LRRC37A3: variants seen among roughly 807,000 people sequenced by gnomAD.
The protein encoded by LRRC37A3 is leucine-rich repeat-containing protein 37A3.
Under a neutral mutation model 106.2 loss-of-function variants are expected in LRRC37A3, and 25 were observed. That is an observed-to-expected ratio of 0.24 (90% confidence interval 0.17 to 0.33). The LOEUF is 0.33. LRRC37A3 is among the 10% of genes least tolerant of loss of function. LRRC37A3 has a pLI of 1.00. For synonymous variants in LRRC37A3, 305 were observed against 635.8 expected, an observed-to-expected ratio of 0.48 and a Z score of 7.83; for missense variants, 712 against 1,644.9, an observed-to-expected ratio of 0.43 and a Z score of 9.81.
rs990219408 is a variant in LRRC37A3 at position 64,854,465 on chromosome 17, A to G, written c.*134T>C. 138 of 1,271,568 alleles carry G rather than the reference A, an allele frequency of 1.1e-4. No individual in the cohort carries two copies. The highest frequency in any genetic ancestry group is 1.4e-4 in the Non-Finnish European group (122 of 889,614). The allele number at this position is 1,271,568 out of a possible 1,614,324, so 78.8% of individuals were successfully genotyped here. ...ATTAGACTGGGAAACAAGGGCAGGA[A>G]CGATGGCCCTGTGCTTGCTCTGCCC... On this transcript the variant is annotated 3_prime_UTR_variant, in exon 15 of 15. Transcript: ENST00000584306.
At chr17:64,855,535 G>A (rs1459739821) in intron 14 of LRRC37A3, among the ~76,000 whole-genome samples, 4 of 150,364 alleles carry the variant, frequency 2.7e-5, no homozygotes, top group African/African-American at 1.0e-4. Context: ...AATTTCACTG[G>A]AGCCAGGCTA....
chr17:64,913,346 T>C (rs1283452641), intron 2 of LRRC37A3, among the ~76,000 whole-genome samples: 1 of 149,190 alleles, frequency 6.7e-6, no homozygotes, highest in East Asian at 2.0e-4. Context: ...GGTTTTTTTT[T>C]TTTTTTTCTT....
chr17:64,915,666 TTTAAAAC>T (rs1226573166), intron 2 of LRRC37A3, among the ~76,000 whole-genome samples: 1 of 152,228 alleles, frequency 6.6e-6, no homozygotes, highest in African/African-American at 2.4e-5. Flanking sequence ...TTCATCAAAA[TTTAAAAC>T]TTATGCTCTG....
At chr17:64,877,051 T>C (rs1336251519) in intron 8 of LRRC37A3, 1 of 152,228 alleles carries the variant, frequency 6.6e-6, no homozygotes, top group Non-Finnish European at 1.5e-5. Flanking sequence ...TCCAAATTGA[T>C]CTATGGTTTC....
At chr17:64,888,740 AGG>A in intron 6 of LRRC37A3, among the ~76,000 whole-genome samples, 1 of 15,890 alleles carries the variant, frequency 6.3e-5, no homozygotes. Flanking sequence ...CTATGGACAA[AGG>A]GTAAGAATCA....
chr17:64,874,444 C>T lies in LRRC37A3; in HGVS notation c.2907-5278G>A, dbSNP rs1473936646. Among the ~76,000 whole-genome samples the T allele has an allele frequency of 5.3e-5, 8 of 151,484 alleles. No homozygotes were observed. In the East Asian group the frequency reaches 5.9e-4, roughly 11 times the overall value. On this transcript the variant is annotated intron_variant, in intron 8 of 14. Transcript: ENST00000584306. Reference sequence around the variant, plus strand: ...CCGTCTGAGAAGTGAGGAGCCCCTCCGCCCGGCCAGCCGCCCCATCCGGGA... The same window carrying T: ...CCGTCTGAGAAGTGAGGAGCCCCTCTGCCCGGCCAGCCGCCCCATCCGGGA...
intron 2 of LRRC37A3, chr17:64,905,188 G>A (rs1431768086): frequency 6.1e-6 from 1 of 164,238 alleles, no homozygotes; most frequent in East Asian, 1.4e-4. Context: ...TTGTAAGACA[G>A]AAAACCTCTG....
intron 8 of LRRC37A3, chr17:64,871,896 G>C (rs1214260603): frequency 6.6e-6 from 1 of 152,368 alleles, no homozygotes; most frequent in African/African-American, 2.4e-5. Context: ...CACTTTGGGA[G>C]ACCGAGGCAG....
At chr17:64,910,691 C>T (rs1974570463) in intron 2 of LRRC37A3, among the ~76,000 whole-genome samples, 1 of 123,814 alleles carries the variant, frequency 8.1e-6, no homozygotes, top group South Asian at 2.9e-4. Context: ...GTCGACCAGG[C>T]TGGAGTGCAG....
In LRRC37A3 at chr17:64,854,482, G is replaced by T; in HGVS notation, c.*117C>A. The T allele has an allele frequency of 6.8e-7, 1 of 1,465,028 alleles. No homozygotes were observed. Among genetic ancestry groups the T allele is most frequent in the Non-Finnish European group, 9.5e-7 (1 of 1,050,548 alleles). The allele number at this position is 1,465,028 out of a possible 1,614,324, so 90.8% of individuals were successfully genotyped here. A position where few individuals can be genotyped will look rare whatever the true frequency, so the allele number is the denominator to read the frequency against. On this transcript the variant is annotated 3_prime_UTR_variant, in exon 15 of 15. Transcript: ENST00000584306. ...GGGCAGGAACGATGGCCCTGTGCTT[G>T]CTCTGCCCGCTGCCTCTGTGGATGT... is the stretch of plus-strand genomic sequence containing the variant.
chr17:64,899,347 G>C (rs1460091560), intron 2 of LRRC37A3, among the ~76,000 whole-genome samples: 2 of 146,728 alleles, frequency 1.4e-5, no homozygotes, highest in South Asian at 4.2e-4. Context: ...TTGAACCTGG[G>C]AGGTGGAGGT....
At chr17:64,870,771 C>T (rs1425925323) in intron 8 of LRRC37A3, among the ~76,000 whole-genome samples, 1 of 152,030 alleles carries the variant, frequency 6.6e-6, no homozygotes, top group Non-Finnish European at 1.5e-5. Context: ...TTTCGTTCTT[C>T]ATTCTTTTTC....
intron 10 of LRRC37A3, among the ~76,000 whole-genome samples, chr17:64,865,328 G>T (rs1337047382): frequency 6.6e-6 from 1 of 152,102 alleles, no homozygotes; most frequent in East Asian, 1.9e-4. Context: ...ATATTTTGTA[G>T]AAATGGGGTT....
In LRRC37A3 at chr17:64,860,846, C is replaced by G; in HGVS notation, c.3300G>C (p.Leu1100Phe). 1 of 1,614,210 alleles carries G rather than the reference C, an allele frequency of 6.2e-7. No individual in the cohort carries two copies. Among genetic ancestry groups the G allele is most frequent in the East Asian group, 2.2e-5 (1 of 44,882 alleles). ...EEPSDSSGIN[L>F]SGFGSEQLDT... is the part of the protein sequence containing the mutation. ...CTAGCTGCTCACTCCCAAAGCCTGA[C>G]AAGTTGATGCCACTGCTGTCTGAGG... Residue 1100 changes from leucine (L) to phenylalanine (F), a missense_variant, in exon 12 of 15, where the codon TTG becomes TTC. Leu to Phe is a conservative substitution (Grantham distance 22). Coordinates refer to ENST00000584306, the MANE Select transcript of LRRC37A3 (RefSeq NM_199340.5).
intron 8 of LRRC37A3, among the ~76,000 whole-genome samples, chr17:64,877,381 T>C (rs1250740393): frequency 6.6e-6 from 1 of 152,052 alleles, no homozygotes. Context: ...TTTGTACTTT[T>C]AGTAGACATG....
intron 13 of LRRC37A3, among the ~76,000 whole-genome samples, chr17:64,857,847 T>G (rs1972733056): frequency 6.6e-6 from 1 of 152,190 alleles, no homozygotes; most frequent in Admixed American, 6.5e-5. Flanking sequence ...GAGGGGCTGC[T>G]GTGGCTGGAA....
intron 10 of LRRC37A3, among the ~76,000 whole-genome samples, chr17:64,865,040 T>G (rs936670248): frequency 4.6e-5 from 7 of 152,220 alleles, no homozygotes; most frequent in Non-Finnish European, 2.9e-5. Context: ...GTGACTAGTA[T>G]TATTCCTTTG....
intron 8 of LRRC37A3, among the ~76,000 whole-genome samples, chr17:64,883,540 T>G (rs1327950696): frequency 6.6e-6 from 1 of 151,946 alleles, no homozygotes; most frequent in African/African-American, 2.4e-5. Context: ...GCCTGGAAGG[T>G]TAGGCTCTAT....
Position 64,855,881 on chromosome 17 carries a change from A to G in LRRC37A3, c.4818T>C (p.Cys1606=). ...IILLCLIEIC[C]HRRSLQEDEE... is the part of the protein sequence containing the mutation. The stretch of plus-strand genomic sequence containing the variant: ...CATCTTCTTGTAATGACCTTCGGTG[A>G]CAACAGATCTGTTTTAGAAGAAAAC... Residue 1606 remains cysteine, a synonymous_variant, in exon 14 of 15, where the codon TGT becomes TGC. Coordinates refer to ENST00000584306, the MANE Select transcript of LRRC37A3 (RefSeq NM_199340.5). 6.2e-7 allele frequency: 1 copy of G among 1,611,878 alleles called. No homozygotes were observed. Among genetic ancestry groups the G allele is most frequent in the Non-Finnish European group, 8.5e-7 (1 of 1,179,716 alleles).
Sources: allele counts gnomAD v4.1 joint callset (sites outside exome capture counted in the v4.1 genomes callset), GRCh38; gene constraint gnomAD v4.1.1; transcripts MANE v1.5; gene names NCBI Gene and HGNC (gene_info 2026-07-23, HGNC 2026-07-21).